Variants in CRYM observed in about 807,000 individuals in gnomAD.
CRYM encodes the protein ketimine reductase mu-crystallin.
A neutral mutation model predicts 32.9 loss-of-function variants in CRYM; 18 were observed. The observed-to-expected ratio is 0.55, with a 90% CI of 0.38 to 0.81. CRYM has a LOEUF of 0.81. Among genes scored for constraint, CRYM ranks in the 30% least tolerant of loss-of-function variants. CRYM has a pLI of 0.00. For missense variants in CRYM, 337 were observed against 393.5 expected, an observed-to-expected ratio of 0.86 and a Z score of 1.21; for synonymous variants, 153 against 152.4, an observed-to-expected ratio of 1.00 and a Z score of -0.03.
At chr16:21,296,426 A>T (rs931830056) in intron 1 of CRYM, among the ~76,000 whole-genome samples, 1 of 152,240 alleles carries the variant, frequency 6.6e-6, no homozygotes, top group Non-Finnish European at 1.5e-5. Flanking sequence ...GTCCACAAAG[A>T]TAAAAAGCAA....
chr16:21,292,584 T>A (rs755646257), intron 1 of CRYM, among the ~76,000 whole-genome samples: 1 of 152,208 alleles, frequency 6.6e-6, no homozygotes, highest in African/African-American at 2.4e-5. Flanking sequence ...CTAAAATTTA[T>A]ATGGAAATTC....
chr16:21,268,145 T>C (rs1163009892), intron 4 of CRYM, among the ~76,000 whole-genome samples: 1 of 152,234 alleles, frequency 6.6e-6, no homozygotes, highest in South Asian at 2.1e-4. Context: ...TCAGCCTTAG[T>C]TTCCACATCT....
chr16:21,268,182 T>A (rs1291786730), intron 4 of CRYM, among the ~76,000 whole-genome samples: 1 of 152,202 alleles, frequency 6.6e-6, no homozygotes, highest in African/African-American at 2.4e-5. Context: ...ACTGGCAAAG[T>A]CTGTGTGGAA....
chr16:21,283,605 C>A (rs1352577967), intron 1 of CRYM: 1 of 149,408 alleles, frequency 6.7e-6, no homozygotes, highest in African/African-American at 2.5e-5. Context: ...GGACAAGCAA[C>A]GGATGAAGTA....
In CRYM at chr16:21,278,075, C is replaced by A. The variant is rs1165283013; in HGVS notation, c.170+7G>T. 3 of 1,542,812 alleles carry A rather than the reference C, an allele frequency of 1.9e-6. No individual in the cohort carries two copies. The highest frequency in any genetic ancestry group is 1.7e-6 in the Non-Finnish European group (2 of 1,146,338). The stretch of plus-strand genomic sequence containing the variant: ...TCCTGCCCCTGACCCCGACCCTCCT[C>A]ACTCACCCCCTGTGCTTGGTCACCG... On this transcript the variant is annotated splice_region_variant and intron_variant, in intron 1 of 7. Transcript: ENST00000572914.
intron 3 of CRYM, among the ~76,000 whole-genome samples, chr16:21,273,945 T>C (rs1415492429): frequency 6.6e-6 from 1 of 152,216 alleles, no homozygotes; most frequent in East Asian, 1.9e-4. Context: ...GTGGGTGCTG[T>C]TGGTCTACTC....
chr16:21,278,371 CG>C, upstream of CRYM: 1 of 1,355,726 alleles, frequency 7.4e-7, no homozygotes, highest in Non-Finnish European at 1.0e-6. Context: ...GCCCAGCCTC[CG>C]GGGGCGGAGC....
intron 1 of CRYM, among the ~76,000 whole-genome samples, chr16:21,285,100 C>T (rs2093405312): frequency 1.3e-5 from 2 of 151,986 alleles, no homozygotes; most frequent in Non-Finnish European, 2.9e-5. Flanking sequence ...TCCTTTTGCC[C>T]ATGTTTTATT....
chr16:21,293,182 TA>T (rs910530788), intron 1 of CRYM, among the ~76,000 whole-genome samples: 4 of 152,188 alleles, frequency 2.6e-5, no homozygotes, highest in African/African-American at 9.7e-5. Context: ...CCCTAACCTG[TA>T]AAAGCTTGTG....
intron 1 of CRYM, among the ~76,000 whole-genome samples, chr16:21,288,243 C>T (rs1430349099): frequency 1.3e-5 from 2 of 152,166 alleles, no homozygotes; most frequent in African/African-American, 4.8e-5. Flanking sequence ...TTATCCCAAC[C>T]TTTTCTTTGC....
intron 1 of CRYM, among the ~76,000 whole-genome samples, chr16:21,300,157 T>C (rs1960876369): frequency 6.6e-6 from 1 of 152,152 alleles, no homozygotes; most frequent in Non-Finnish European, 1.5e-5. Context: ...TTCCCCTAAA[T>C]CCGACTATTA....
intron 4 of CRYM, chr16:21,268,597 G>A (rs1384304385): frequency 6.6e-6 from 1 of 152,190 alleles, no homozygotes; most frequent in Non-Finnish European, 1.5e-5. Flanking sequence ...TGAAAAACAG[G>A]ACATTTTGCC....
At chr16:21,286,311 G>A (rs924185045) in intron 1 of CRYM, among the ~76,000 whole-genome samples, 1 of 151,280 alleles carries the variant, frequency 6.6e-6, no homozygotes, top group African/African-American at 2.4e-5. Context: ...TCCACCTCCT[G>A]GGTTCAAGCA....
intron 4 of CRYM, 54 bp from the exon 5 acceptor site, chr16:21,267,791 T>C: frequency 1.3e-6 from 2 of 1,583,436 alleles, no homozygotes; most frequent in South Asian, 2.2e-5. Flanking sequence ...CTGCTTATGT[T>C]ACACTGAGCC....
At position 21,258,582 on chromosome 16, in the gene CRYM, T is replaced by C. The variant is rs1388891294; in HGVS notation, c.*199A>G. 3.2e-6 allele frequency: 2 copies of C among 622,210 alleles called. No individual in the cohort carries two copies. Among genetic ancestry groups the C allele is most frequent in the South Asian group, 3.8e-5 (2 of 52,494 alleles). The allele number at this position is 622,210 out of a possible 1,614,324, so 38.5% of individuals were successfully genotyped here. ...AAAGGGAAATGAATGCTATTATAAC[T>C]TGGTAGAACAGAAGAAATGGCTACC... On this transcript the variant is annotated 3_prime_UTR_variant, in exon 8 of 8. Transcript: ENST00000572914.
At chr16:21,259,821 G>GC (rs2093351100) in intron 7 of CRYM, among the ~76,000 whole-genome samples, 1 of 152,156 alleles carries the variant, frequency 6.6e-6, no homozygotes, top group African/African-American at 2.4e-5. Flanking sequence ...ATAATTAGGT[G>GC]CTTGATACGC....
chr16:21,261,154 A>G lies in CRYM; in HGVS notation c.880+100T>C, dbSNP rs565941003. 4 of 884,172 alleles carry G rather than the reference A, an allele frequency of 4.5e-6. No individual in the cohort carries two copies. The South Asian group carries it at 5.4e-5, about 12-fold the overall frequency. 54.8% of individuals were successfully genotyped at this position (884,172 alleles called of 1,614,324 possible). A position where few individuals can be genotyped will look rare whatever the true frequency, so the allele number is the denominator to read the frequency against. On this transcript the variant is annotated intron_variant, in intron 7 of 7. Coordinates refer to ENST00000572914, the MANE Select transcript of CRYM (RefSeq NM_001376256.1). ...TTGACCTGAATGATGGAGCACAATG[A>G]TTCAGCTGCAGAGTCTGGTGACTCA...
chr16:21,293,574 T>G (rs941168296), intron 1 of CRYM, among the ~76,000 whole-genome samples: 3 of 152,166 alleles, frequency 2.0e-5, no homozygotes, highest in Admixed American at 1.3e-4. Flanking sequence ...TCTTGAGAGA[T>G]ATTAATTTGG....
chr16:21,266,887 G>C (rs1208631618), intron 5 of CRYM, among the ~76,000 whole-genome samples: 5 of 151,752 alleles, frequency 3.3e-5, no homozygotes, highest in Non-Finnish European at 7.4e-5. Context: ...CATGCCTGTA[G>C]TCCCAGCTAC....
Sources: gnomAD v4.1 joint callset for allele counts (sites outside exome capture counted in the v4.1 genomes callset) on GRCh38, gnomAD v4.1.1 for gene constraint, MANE v1.5 for transcripts, NCBI Gene and HGNC (gene_info 2026-07-23, HGNC 2026-07-21) for gene names.